DOCK3: variants seen among roughly 807,000 people sequenced by gnomAD.
DOCK3 encodes dedicator of cytokinesis 3.
Under a neutral mutation model 265.6 loss-of-function variants are expected in DOCK3, and 60 were observed. The ratio of observed to expected loss-of-function variants is 0.23; its 90% CI spans 0.18 to 0.28. The LOEUF (loss-of-function observed/expected upper bound fraction) is 0.28, where lower values mean the gene tolerates loss of function less well. Ranked by LOEUF, DOCK3 falls within the 10% of genes least tolerant of loss-of-function variation. DOCK3 has a pLI of 1.00. For synonymous variants in DOCK3, 881 were observed against 938.0 expected (o/e 0.94, Z 1.11); for missense variants, 1,981 against 2,594.3 (o/e 0.76, Z 5.14).
intron 49 of DOCK3, among the ~76,000 whole-genome samples, chr3:51,371,338 C>T (rs2087662158): frequency 6.6e-6 from 1 of 152,102 alleles, no homozygotes; most frequent in East Asian, 1.9e-4. Context: ...GAACTGGGCC[C>T]AAAGAGAACA....
chr3:51,336,442 T>C (rs1020873101), intron 35 of DOCK3, among the ~76,000 whole-genome samples: 1 of 152,118 alleles, frequency 6.6e-6, no homozygotes, highest in Non-Finnish European at 1.5e-5. Flanking sequence ...CTGAGGGTTA[T>C]GAAGCCTTCC....
At chr3:51,331,314 C>T (rs2109967389) in intron 33 of DOCK3, among the ~76,000 whole-genome samples, 1 of 152,110 alleles carries the variant, frequency 6.6e-6, no homozygotes, top group East Asian at 1.9e-4. Flanking sequence ...AAAATGAATC[C>T]ATACTTTAGT....
intron 4 of DOCK3, among the ~76,000 whole-genome samples, chr3:50,919,235 C>T (rs2050298560): frequency 6.6e-6 from 1 of 152,124 alleles, no homozygotes; most frequent in Non-Finnish European, 1.5e-5. Flanking sequence ...ATTGTCTGGG[C>T]AATGCGGACT....
At chr3:50,844,271 A>G (rs2045978578) in intron 3 of DOCK3, among the ~76,000 whole-genome samples, 1 of 152,224 alleles carries the variant, frequency 6.6e-6, no homozygotes, top group South Asian at 2.1e-4. Context: ...GCTGGAGTCC[A>G]GTGGCATGAT....
At chr3:50,742,986 C>G (rs868140572) in intron 1 of DOCK3, among the ~76,000 whole-genome samples, 7 of 152,212 alleles carry the variant, frequency 4.6e-5, no homozygotes, top group Middle Eastern at 3.4e-3. Context: ...AGACTAACAG[C>G]GGATCTCTCG....
At chr3:51,352,616 G>A (rs932966085) in intron 40 of DOCK3, among the ~76,000 whole-genome samples, 12 of 152,242 alleles carry the variant, frequency 7.9e-5, no homozygotes, top group Non-Finnish European at 1.3e-4. Context: ...CACACAAGAT[G>A]CAATCTCAAC....
At chr3:51,130,804 C>T (rs927294688) in intron 9 of DOCK3, among the ~76,000 whole-genome samples, 1 of 152,108 alleles carries the variant, frequency 6.6e-6, no homozygotes, top group Non-Finnish European at 1.5e-5. Flanking sequence ...GTCTTCTAAG[C>T]TCAAGCAATT....
chr3:51,025,732 G>A (rs1305253041), intron 5 of DOCK3, among the ~76,000 whole-genome samples: 1 of 152,208 alleles, frequency 6.6e-6, no homozygotes, highest in Non-Finnish European at 1.5e-5. Context: ...GTGAGATATA[G>A]TCAGGAATCA....
rs2086713804 is a variant in DOCK3 at position 51,361,258 on chromosome 3, T to C, written c.5007-601T>C. ...GAGGAGCCCCTCACTTAGGCTTGTT[T>C]TCCAGTGTGAGCAGCAGCTCAGCAC... On this transcript the variant is annotated intron_variant, in intron 47 of 52. Coordinates refer to ENST00000266037, the MANE Select transcript of DOCK3 (RefSeq NM_004947.5). The surrounding 1 kb of genome is among the most constrained non-coding windows in gnomAD (Gnocchi z 4.2). Among the ~76,000 whole-genome samples, 1 of 152,206 alleles carries C rather than the reference T, an allele frequency of 6.6e-6. No homozygotes were observed. The highest frequency in any genetic ancestry group is 6.5e-5 in the Admixed American group (1 of 15,288).
chr3:51,104,293 CA>C (rs1227815101), intron 9 of DOCK3, among the ~76,000 whole-genome samples: 1 of 152,178 alleles, frequency 6.6e-6, no homozygotes, highest in Non-Finnish European at 1.5e-5. Flanking sequence ...GTCAGAGAAA[CA>C]AATGTCTGGC....
intron 9 of DOCK3, among the ~76,000 whole-genome samples, chr3:51,131,701 C>T (rs1034873988): frequency 1.3e-5 from 2 of 152,174 alleles, no homozygotes; most frequent in African/African-American, 4.8e-5. Context: ...CTACATGAGT[C>T]AGACTATTCT....
intron 37 of DOCK3, among the ~76,000 whole-genome samples, chr3:51,340,625 A>G (rs2085175771): frequency 6.6e-6 from 1 of 152,216 alleles, no homozygotes; most frequent in Admixed American, 6.5e-5. Flanking sequence ...CTAAAAATGA[A>G]CAAATAGAAC....
At chr3:51,380,339 G>A in intron 52 of DOCK3, 132 bp downstream of exon 52, 1 of 851,854 alleles carries the variant, frequency 1.2e-6, no homozygotes, top group Non-Finnish European at 1.8e-6. Flanking sequence ...GGCAGAAGCT[G>A]GGGGTGGCCA....
At chr3:51,077,149 A>G (rs1416597846) in intron 7 of DOCK3, among the ~76,000 whole-genome samples, 7 of 152,154 alleles carry the variant, frequency 4.6e-5, no homozygotes. Context: ...CAAGAAATAC[A>G]ATAAGAATGT....
chr3:51,010,001 A>T (rs547245903), intron 5 of DOCK3, among the ~76,000 whole-genome samples: 2 of 152,094 alleles, frequency 1.3e-5, no homozygotes, highest in South Asian at 2.1e-4. Context: ...TATAATTTCT[A>T]TTCTTTTACA....
intron 27 of DOCK3, among the ~76,000 whole-genome samples, chr3:51,287,348 A>G (rs2081462177): frequency 6.6e-6 from 1 of 152,162 alleles, no homozygotes; most frequent in Non-Finnish European, 1.5e-5. Context: ...CAGGAATTCA[A>G]GACCAGCCTG....
At chr3:51,003,232 T>A (rs568611278) in intron 5 of DOCK3, among the ~76,000 whole-genome samples, 1 of 152,330 alleles carries the variant, frequency 6.6e-6, no homozygotes, top group East Asian at 1.9e-4. Context: ...CACATTTTTT[T>A]AAAGAGCTGC....
Position 50,717,210 on chromosome 3 carries a change from G to A in DOCK3, c.37+41910G>A, listed in dbSNP as rs530477257. ...AAACAGTGCTTCAGTGAGTGACCTT[G>A]TATATACTTGCCGATCCTCATTTAC... On this transcript the variant is annotated intron_variant, in intron 1 of 52. Transcript: ENST00000266037. 3.4e-4 allele frequency among the ~76,000 whole-genome samples: 52 copies of A among 152,264 alleles called. No individual in the cohort carries two copies. The South Asian group carries it at 4.4e-3, about 13-fold the overall frequency.
intron 2 of DOCK3, among the ~76,000 whole-genome samples, chr3:50,810,943 G>T (rs576954385): frequency 2.2e-4 from 34 of 152,318 alleles, no homozygotes; most frequent in African/African-American, 8.2e-4. Context: ...GTATGTTCAT[G>T]ATCTGTATTT....
Sources: allele counts gnomAD v4.1 joint callset (sites outside exome capture counted in the v4.1 genomes callset), GRCh38; gene constraint gnomAD v4.1.1; non-coding constraint Gnocchi (gnomAD v3.1); transcripts MANE v1.5; gene names NCBI Gene and HGNC (gene_info 2026-07-23, HGNC 2026-07-21).